Variants in POTEH observed in about 807,000 individuals in gnomAD.
The protein encoded by POTEH is ANKRD26-like family C member 3.
POTEH carries 6 observed loss-of-function variants against 41.7 expected under a neutral mutation model. The ratio of observed to expected loss-of-function variants is 0.14; its 90% CI spans 0.08 to 0.28. POTEH has a LOEUF of 0.28. Ranked by LOEUF, POTEH falls within the 10% of genes least tolerant of loss-of-function variation. POTEH has a pLI of 1.00. For missense variants in POTEH, 115 were observed against 533.5 expected, an observed-to-expected ratio of 0.22 and a Z score of 7.73; for synonymous variants, 38 against 179.9, an observed-to-expected ratio of 0.21 and a Z score of 6.31.
Position 15,690,440 on chromosome 22 carries a change from A to G in POTEH, c.363A>G (p.Gly121=), listed in dbSNP as rs370223417. 489 of 1,409,316 alleles carry G rather than the reference A, an allele frequency of 3.5e-4. 24 individuals carry two copies. In the African/African-American group the frequency reaches 5.2e-3, roughly 15 times the overall value. The allele number at this position is 1,409,316 out of a possible 1,614,324, so 87.3% of individuals were successfully genotyped here. The change falls in exon 1 of 11, where the codon GGA becomes GGG. Residue 121 remains glycine, a synonymous_variant. Transcript: ENST00000343518. The part of the protein sequence containing the change: ...GSGKSNVGTS[G]DHDDSAMKTL... ...GCAAGAGCAACGTGGGCACTTCTGG[A>G]GACCACGACGACTCTGCTATGAAGA... is the stretch of plus-strand genomic sequence containing the variant.
In POTEH at chr22:15,690,933, C is replaced by T. The variant is rs1219941694; in HGVS notation, c.632+224C>T. 3.2e-4 allele frequency among the ~76,000 whole-genome samples: 42 copies of T among 129,902 alleles called. 8 individuals are homozygous for T. The highest frequency in any genetic ancestry group is 9.1e-4 in the African/African-American group (33 of 36,188). 85.2% of individuals were successfully genotyped at this position (129,902 alleles called of 152,430 possible). On this transcript the variant is annotated intron_variant, in intron 1 of 10. Coordinates refer to ENST00000343518, the MANE Select transcript of POTEH (RefSeq NM_001136213.1). ...TCAAATCATAATTTCCTTCCTAGAA[C>T]ACGAATAGACTGTTTTGAAGTGATT...
chr22:15,693,089 G>A lies in POTEH; in HGVS notation c.633-2282G>A, dbSNP rs1354205311. ...GGGTGTCAGTACATAGAGATATGTCGACATGCAAAGATGTACCTTGCTATA... is the reference window on the plus strand; with the variant it reads ...GGGTGTCAGTACATAGAGATATGTCAACATGCAAAGATGTACCTTGCTATA... On this transcript the variant is annotated intron_variant, in intron 1 of 10. Coordinates refer to ENST00000343518, the MANE Select transcript of POTEH (RefSeq NM_001136213.1). Among the ~76,000 whole-genome samples, 11 of 126,880 alleles carry A rather than the reference G, an allele frequency of 8.7e-5. 1 individual carries two copies. The highest frequency in any genetic ancestry group is 4.2e-4 in the East Asian group (2 of 4,794). 83.2% of individuals were successfully genotyped at this position (126,880 alleles called of 152,430 possible). A position where few individuals can be genotyped will look rare whatever the true frequency, so the allele number is the denominator to read the frequency against.
At chr22:15,690,851 G>C (rs1989288737) in intron 1 of POTEH, 142 bp downstream of exon 1, 1 of 1,068,284 alleles carries the variant, frequency 9.4e-7, no homozygotes, top group Non-Finnish European at 1.3e-6. Context: ...AGAGAGTTCA[G>C]GGCACAGGCC....
At chr22:15,700,247 C>A (rs9617548) in intron 5 of POTEH, 32 bp downstream of exon 5, 1 of 1,588,730 alleles carries the variant, frequency 6.3e-7, no homozygotes, top group Non-Finnish European at 8.5e-7. Flanking sequence ...CTAGTTAATG[C>A]TAAATTGAGG....
intron 7 of POTEH, among the ~76,000 whole-genome samples, chr22:15,708,593 A>G (rs1482848633): frequency 6.9e-6 from 1 of 144,394 alleles, no homozygotes; most frequent in Non-Finnish European, 1.5e-5. Context: ...CAACCTTATT[A>G]AAAGAATCAA....
rs1388272191 is a variant in POTEH at position 15,699,772 on chromosome 22, CT to C, written c.1029-304del. On this transcript the variant is annotated intron_variant, in intron 4 of 10. Coordinates refer to ENST00000343518, the MANE Select transcript of POTEH (RefSeq NM_001136213.1). The stretch of plus-strand genomic sequence containing the variant: ...TAGGGAAGCTGTGATGAAATCTTCA[CT>C]TAAATCTTTGTTCATTTCAGATAAG... 9.6e-6 allele frequency: 3 copies of C among 314,066 alleles called. No homozygotes were observed. The Admixed American group carries it at 1.4e-4, about 15-fold the overall frequency. 19.5% of individuals were successfully genotyped at this position (314,066 alleles called of 1,614,324 possible). A position where few individuals can be genotyped will look rare whatever the true frequency, so the allele number is the denominator to read the frequency against.
At chr22:15,702,369 C>A (rs1168275986) in intron 5 of POTEH, among the ~76,000 whole-genome samples, 1 of 124,828 alleles carries the variant, frequency 8.0e-6, no homozygotes, top group Non-Finnish European at 1.7e-5. Flanking sequence ...GCAAGTTGTC[C>A]AAGAACAAAT....
chr22:15,708,924 AT>A (rs1989740433), intron 7 of POTEH, among the ~76,000 whole-genome samples: 1 of 150,698 alleles, frequency 6.6e-6, no homozygotes, highest in Non-Finnish European at 1.5e-5. Context: ...GCAGTTTTAT[AT>A]TGTCAGTCAC....
At chr22:15,692,493 C>T (rs576292882) in intron 1 of POTEH, among the ~76,000 whole-genome samples, 14 of 143,550 alleles carry the variant, frequency 9.8e-5, no homozygotes, top group East Asian at 2.0e-4. Flanking sequence ...CAGTGGCTTA[C>T]GCCTGTTACC....
intron 1 of POTEH, among the ~76,000 whole-genome samples, chr22:15,693,043 G>C (rs551485043): frequency 1.6e-5 from 2 of 126,164 alleles, no homozygotes; most frequent in Admixed American, 1.6e-4. Context: ...TCCATAGGAC[G>C]GAATAATATG....
At chr22:15,712,582 A>G (rs1295684568) in intron 9 of POTEH, among the ~76,000 whole-genome samples, 3 of 23,968 alleles carry the variant, frequency 1.3e-4, no homozygotes, top group Non-Finnish European at 2.4e-4. Flanking sequence ...TCTTATATGT[A>G]AAAGTGTCCT....
chr22:15,706,229 AAG>A (rs1282074386), intron 6 of POTEH, among the ~76,000 whole-genome samples: 153 of 149,782 alleles, frequency 1.0e-3, no homozygotes, highest in African/African-American at 3.7e-3. Context: ...AAACAAGAGA[AAG>A]AGTGGTTTTT....
chr22:15,693,191 A>AAAATATAAT (rs1989368366), intron 1 of POTEH, among the ~76,000 whole-genome samples: 2 of 143,676 alleles, frequency 1.4e-5, no homozygotes, highest in East Asian at 4.0e-4. Context: ...AAATATGTAG[A>AAAATATAAT]AAATATAATC....
At chr22:15,712,796 C>G (rs569699323) in intron 9 of POTEH, among the ~76,000 whole-genome samples, 4 of 136,646 alleles carry the variant, frequency 2.9e-5, no homozygotes, top group African/African-American at 2.8e-5. Context: ...TGAGTGTCAA[C>G]TGTCCTAGAA....
chr22:15,694,704 T>TA (rs1336230789), intron 1 of POTEH, among the ~76,000 whole-genome samples: 1 of 141,288 alleles, frequency 7.1e-6, no homozygotes, highest in Non-Finnish European at 1.6e-5. Flanking sequence ...CCAGAGATTG[T>TA]ATGATGCCCC....
rs1428465265 is a variant in POTEH, at chr22:15,708,106, A to C, written c.1308+16A>C. 1 of 1,025,002 alleles carries C rather than the reference A, an allele frequency of 9.8e-7. No homozygotes were observed. Among genetic ancestry groups the C allele is most frequent in the African/African-American group, 2.3e-5 (1 of 44,332 alleles). The allele number at this position is 1,025,002 out of a possible 1,614,324, so 63.5% of individuals were successfully genotyped here. ...CCAGCCAGAGGCATGGAAACTCTTA[A>C]ATTTAAACTTTTGGTTTAACGTTTT... On this transcript the variant is annotated intron_variant, in intron 7 of 10. Transcript: ENST00000343518.
At position 15,690,506 on chromosome 22, in the gene POTEH, C is replaced by T. The variant is rs1352026854; in HGVS notation, c.429C>T (p.Phe143=). ...TGGGCAAGTGGTGCTGCCACTGCTT[C>T]CCCTGCTGCAGGGGGAGCGGCAAGA... The part of the protein sequence containing the change: ...SKMGKWCCHC[F]PCCRGSGKNK... Residue 143 remains phenylalanine, a synonymous_variant, in exon 1 of 11, where the codon TTC becomes TTT. Transcript: ENST00000343518. 7 of 1,412,242 alleles carry T rather than the reference C, an allele frequency of 5.0e-6. 2 individuals are homozygous for T. Among genetic ancestry groups the T allele is most frequent in the South Asian group, 2.3e-5 (2 of 86,214 alleles). 87.5% of individuals were successfully genotyped at this position (1,412,242 alleles called of 1,614,324 possible). A position where few individuals can be genotyped will look rare whatever the true frequency, so the allele number is the denominator to read the frequency against.
chr22:15,690,343 C>T lies in POTEH; in HGVS notation c.266C>T (p.Ser89Phe). Reference protein sequence around the residue: ...NVGTSGDHDDSAMKTLRSKMG... With the variant: ...NVGTSGDHDDFAMKTLRSKMG... Reference sequence around the variant, plus strand: ...GGCACTTCTGGAGACCACGACGATTCTGCTATGAAGACACTCAGGAGCAAG... The same window carrying T: ...GGCACTTCTGGAGACCACGACGATTTTGCTATGAAGACACTCAGGAGCAAG... The change falls in exon 1 of 11, where the codon TCT becomes TTT. Residue 89 changes from serine (S) to phenylalanine (F), a missense_variant. Ser to Phe is a radical substitution (Grantham distance 155). Transcript: ENST00000343518. The T allele has an allele frequency of 1.4e-6, 2 of 1,388,174 alleles. No individual in the cohort carries two copies. Among genetic ancestry groups the T allele is most frequent in the Non-Finnish European group, 2.0e-6 (2 of 1,004,936 alleles). 86.0% of individuals were successfully genotyped at this position (1,388,174 alleles called of 1,614,324 possible). A position where few individuals can be genotyped will look rare whatever the true frequency, so the allele number is the denominator to read the frequency against.
chr22:15,696,896 C>T (rs1989441212), intron 3 of POTEH, among the ~76,000 whole-genome samples: 1 of 145,388 alleles, frequency 6.9e-6, no homozygotes, highest in African/African-American at 2.6e-5. Context: ...AAGTAATTGT[C>T]TATTGTACTA....
Sources: gnomAD v4.1 joint callset for allele counts (sites outside exome capture counted in the v4.1 genomes callset) on GRCh38, gnomAD v4.1.1 for gene constraint, MANE v1.5 for transcripts, NCBI Gene and HGNC (gene_info 2026-07-23, HGNC 2026-07-21) for gene names.